AUTS2: variants seen among roughly 807,000 people sequenced by gnomAD.
AUTS2 encodes the protein autism susceptibility gene 2 protein.
AUTS2 carries 17 observed loss-of-function variants against 112.4 expected under a neutral mutation model. That is an observed-to-expected ratio of 0.15 (90% CI 0.10 to 0.23). The LOEUF is 0.23. Ranked by LOEUF, AUTS2 falls within the 10% of genes least tolerant of loss-of-function variation. The pLI, the probability that AUTS2 is intolerant of heterozygous loss-of-function variation, is 1.00. For missense variants in AUTS2, 1,510 were observed against 1,701.6 expected, an observed-to-expected ratio of 0.89 and a Z score of 1.98; for synonymous variants, 751 against 702.7, an observed-to-expected ratio of 1.07 and a Z score of -1.09.
At chr7:70,430,961 A>G (rs913700569) in intron 4 of AUTS2, among the ~76,000 whole-genome samples, 1 of 147,412 alleles carries the variant, frequency 6.8e-6, no homozygotes, top group Non-Finnish European at 1.5e-5. Context: ...TCAGCCTCCC[A>G]AGTAGCTGGG....
intron 1 of AUTS2, among the ~76,000 whole-genome samples, chr7:69,738,787 C>A (rs762296679): frequency 1.3e-5 from 2 of 152,040 alleles, no homozygotes; most frequent in African/African-American, 2.4e-5. Context: ...ACTACTCTAA[C>A]GGTTTTTTTT....
At chr7:70,462,038 G>A (rs1188511336) in intron 5 of AUTS2, among the ~76,000 whole-genome samples, 3 of 152,158 alleles carry the variant, frequency 2.0e-5, no homozygotes, top group East Asian at 3.9e-4. Flanking sequence ...GATCACCTGA[G>A]GTCAGGAGTT....
chr7:69,952,703 C>T (rs1797072617), intron 2 of AUTS2, among the ~76,000 whole-genome samples: 1 of 151,940 alleles, frequency 6.6e-6, no homozygotes, highest in Non-Finnish European at 1.5e-5. Context: ...GTATAAACAC[C>T]CAAGGGACAC....
chr7:70,700,621 A>G lies in AUTS2; in HGVS notation c.742+2001A>G, dbSNP rs373678160. ...GATTAAGGGGGGTGTGGAGGGGGAAAGCATCGGGGACAGTTTTGTTAAGGG... is the reference window on the plus strand; with the variant it reads ...GATTAAGGGGGGTGTGGAGGGGGAAGGCATCGGGGACAGTTTTGTTAAGGG... On this transcript the variant is annotated intron_variant, in intron 6 of 18. Transcript: ENST00000342771. Among the ~76,000 whole-genome samples the G allele has an allele frequency of 1.8e-3, 267 of 151,880 alleles. 1 individual carries two copies. The highest frequency in any genetic ancestry group is 6.2e-3 in the African/African-American group (259 of 41,454).
intron 1 of AUTS2, among the ~76,000 whole-genome samples, chr7:69,679,034 C>T (rs577654606): frequency 3.3e-5 from 5 of 152,308 alleles, no homozygotes; most frequent in South Asian, 4.1e-4. Flanking sequence ...GCCATGCTGT[C>T]GCCATAGTGA....
At chr7:70,426,428 G>T (rs1585130879) in intron 4 of AUTS2, among the ~76,000 whole-genome samples, 3 of 152,148 alleles carry the variant, frequency 2.0e-5, no homozygotes, top group Admixed American at 2.0e-4. Flanking sequence ...CATGATCCTT[G>T]TATTTTACCA....
At chr7:69,870,415 C>T (rs1584367088) in intron 1 of AUTS2, among the ~76,000 whole-genome samples, 1 of 72,460 alleles carries the variant, frequency 1.4e-5, no homozygotes, top group East Asian at 4.5e-4. Flanking sequence ...CAAAAATTGT[C>T]ATATATATAC....
intron 1 of AUTS2, among the ~76,000 whole-genome samples, chr7:69,815,143 A>G (rs1790701688): frequency 6.6e-6 from 1 of 152,230 alleles, no homozygotes; most frequent in Non-Finnish European, 1.5e-5. Context: ...AAGGCATCAA[A>G]GACTTTCATA....
chr7:70,287,338 C>T (rs1263165937), intron 4 of AUTS2, among the ~76,000 whole-genome samples: 1 of 152,160 alleles, frequency 6.6e-6, no homozygotes, highest in Admixed American at 6.5e-5. Flanking sequence ...CCCAGAGTTT[C>T]ATATTCTGGA....
intron 4 of AUTS2, among the ~76,000 whole-genome samples, chr7:70,157,625 GT>G (rs946976049): frequency 2.0e-5 from 3 of 152,208 alleles, no homozygotes; most frequent in African/African-American, 7.2e-5. Flanking sequence ...CTTTTCTGTT[GT>G]TCATTCTCTT....
intron 4 of AUTS2, among the ~76,000 whole-genome samples, chr7:70,162,927 A>G (rs185862172): frequency 2.7e-4 from 41 of 152,338 alleles, no homozygotes; most frequent in Non-Finnish European, 4.7e-4. Flanking sequence ...AAATAATTTC[A>G]TGATACTGAA....
chr7:70,498,699 C>A (rs1377503080), intron 5 of AUTS2, among the ~76,000 whole-genome samples: 1 of 152,160 alleles, frequency 6.6e-6, no homozygotes, highest in Non-Finnish European at 1.5e-5. Flanking sequence ...CCTTTTGATT[C>A]TCTCTTTCAT....
intron 1 of AUTS2, among the ~76,000 whole-genome samples, chr7:69,818,055 TG>T (rs1790837596): frequency 1.3e-5 from 2 of 152,128 alleles, no homozygotes; most frequent in Non-Finnish European, 2.9e-5. Flanking sequence ...AGAGTTGAGT[TG>T]GCCCATGATT....
chr7:70,038,160 C>T (rs148726337), intron 2 of AUTS2, among the ~76,000 whole-genome samples: 167 of 152,086 alleles, frequency 1.1e-3, no homozygotes, highest in African/African-American at 3.8e-3. Context: ...GTTGAGAACC[C>T]GTAGGCTCTG....
chr7:70,426,223 G>T (rs1341475802), intron 4 of AUTS2, among the ~76,000 whole-genome samples: 1 of 152,134 alleles, frequency 6.6e-6, no homozygotes, highest in African/African-American at 2.4e-5. Context: ...TCTGGCTTTG[G>T]CTTCCTGAGT....
At chr7:70,262,798 A>G (rs770850580) in intron 4 of AUTS2, among the ~76,000 whole-genome samples, 1 of 152,156 alleles carries the variant, frequency 6.6e-6, no homozygotes, top group Non-Finnish European at 1.5e-5. Context: ...CTTCTCTTTA[A>G]TAAGTGGCCA....
chr7:70,747,947 C>T (rs1272967505), intron 6 of AUTS2, among the ~76,000 whole-genome samples: 1 of 150,448 alleles, frequency 6.6e-6, no homozygotes, highest in Non-Finnish European at 1.5e-5. Context: ...TCAGCGTCCC[C>T]AGTAGCTGGG....
At chr7:70,621,838 CTTTTT>C (rs67123941) in intron 5 of AUTS2, among the ~76,000 whole-genome samples, 4 of 66,788 alleles carry the variant, frequency 6.0e-5, no homozygotes, top group Non-Finnish European at 1.0e-4. Context: ...TAGTCATTCT[CTTTTT>C]TTTTTTTTTT....
chr7:70,511,776 A>G (rs1799206402), intron 5 of AUTS2, among the ~76,000 whole-genome samples: 1 of 151,724 alleles, frequency 6.6e-6, no homozygotes, highest in African/African-American at 2.4e-5. Flanking sequence ...AGGTTTCACC[A>G]CGTTGGCCAG....
Sources: allele counts gnomAD v4.1 joint callset (sites outside exome capture counted in the v4.1 genomes callset), GRCh38; gene constraint gnomAD v4.1.1; transcripts MANE v1.5; gene names NCBI Gene and HGNC (gene_info 2026-07-23, HGNC 2026-07-21).